The following SLC7A8 variants were observed in gnomAD, a reference collection of about 807,000 sequenced individuals.
SLC7A8 encodes solute carrier family 7 member 8, also known as large neutral amino acids transporter small subunit 2.
A neutral mutation model predicts 51.2 loss-of-function variants in SLC7A8; 30 were observed. The ratio of observed to expected loss-of-function variants is 0.59; its 90% CI spans 0.44 to 0.80. SLC7A8 has a LOEUF of 0.80. SLC7A8 is among the 30% of genes least tolerant of loss of function. The probability of loss-of-function intolerance (pLI) is 0.00; values close to 1 mark genes in which losing one functional copy is unlikely to be tolerated. For missense variants in SLC7A8, 612 were observed against 674.4 expected, an observed-to-expected ratio of 0.91 and a Z score of 1.03; for synonymous variants, 257 against 275.8, an observed-to-expected ratio of 0.93 and a Z score of 0.67.
rs1434946881 is a variant in SLC7A8 at position 23,125,368 on chromosome 14, C to T, written c.*1809G>A. ...ACAAAACAAATCTCTAAAACCTACA[C>T]CAAACGAAAGAAATTATCATTAAGG... On this transcript the variant is annotated 3_prime_UTR_variant, in exon 11 of 11. Transcript: ENST00000316902. 6.6e-6 allele frequency: 1 copy of T among 152,122 alleles called. No homozygotes were observed. Among genetic ancestry groups the T allele is most frequent in the African/African-American group, 2.4e-5 (1 of 41,346 alleles). The allele number at this position is 152,122 out of a possible 1,614,324, so 9.4% of individuals were successfully genotyped here. A position where few individuals can be genotyped will look rare whatever the true frequency, so the allele number is the denominator to read the frequency against.
chr14:23,154,717 G>A (rs960191987), intron 3 of SLC7A8, among the ~76,000 whole-genome samples: 4 of 152,182 alleles, frequency 2.6e-5, no homozygotes, highest in Admixed American at 6.5e-5. Context: ...ACACGGAACA[G>A]TCTTTCCTCG....
Position 23,182,944 on chromosome 14 carries a change from C to T in SLC7A8, c.-30G>A. 3.1e-6 allele frequency: 5 copies of T among 1,614,004 alleles called. No individual in the cohort carries two copies. Among genetic ancestry groups the T allele is most frequent in the Non-Finnish European group, 4.2e-6 (5 of 1,179,962 alleles). On this transcript the variant is annotated 5_prime_UTR_variant, in exon 1 of 11. Transcript: ENST00000316902. ...CTCAGTAGGATTGCAACCTCAAAAGCTGCCTCCCTTTCTAAATGCGTATTC... is the reference window on the plus strand; with the variant it reads ...CTCAGTAGGATTGCAACCTCAAAAGTTGCCTCCCTTTCTAAATGCGTATTC...
intron 4 of SLC7A8, among the ~76,000 whole-genome samples, chr14:23,141,987 G>C (rs1169154306): frequency 6.6e-6 from 1 of 152,252 alleles, no homozygotes; most frequent in African/African-American, 2.4e-5. Flanking sequence ...AGAAAGAATT[G>C]AGGCCAGCTT....
chr14:23,162,083 A>T (rs1483630760), intron 3 of SLC7A8, among the ~76,000 whole-genome samples: 3 of 146,954 alleles, frequency 2.0e-5, no homozygotes, highest in East Asian at 3.9e-4. Context: ...GAAGTGGATT[A>T]AAAAAAAAAA....
At chr14:23,169,208 A>G (rs1427389636) in intron 1 of SLC7A8, among the ~76,000 whole-genome samples, 1 of 152,132 alleles carries the variant, frequency 6.6e-6, no homozygotes, top group Non-Finnish European at 1.5e-5. Context: ...TTGTTTTTTA[A>G]TTAGCCAGAC....
chr14:23,183,137 TAA>T lies in SLC7A8; in HGVS notation c.-225_-224del, dbSNP rs60162914. 1.9e-3 allele frequency: 171 copies of T among 90,984 alleles called. 1 individual carries two copies. Among genetic ancestry groups the T allele is most frequent in the South Asian group, 9.3e-3 (28 of 3,022 alleles). The allele number at this position is 90,984 out of a possible 1,614,324, so 5.6% of individuals were successfully genotyped here. ...CGTTTACAAACAAGAAAAGTGTTGC[TAA>T]AAAAAAAAAAAAAAAAAAAGGCCAG... On this transcript the variant is annotated 5_prime_UTR_variant, in exon 1 of 11. It removes the in-frame stop codon of an upstream open reading frame in the 5' UTR. Coordinates refer to ENST00000316902, the MANE Select transcript of SLC7A8 (RefSeq NM_012244.4).
intron 7 of SLC7A8, among the ~76,000 whole-genome samples, chr14:23,134,858 A>G (rs1443085471): frequency 6.6e-6 from 1 of 152,272 alleles, no homozygotes; most frequent in African/African-American, 2.4e-5. Flanking sequence ...CATTGGTAAC[A>G]TGCTACACAA....
At chr14:23,150,593 T>C (rs891484022) in intron 3 of SLC7A8, among the ~76,000 whole-genome samples, 8 of 152,190 alleles carry the variant, frequency 5.3e-5, no homozygotes, top group Non-Finnish European at 8.8e-5. Context: ...TATGGTCCAT[T>C]TGAATCATGT....
intron 1 of SLC7A8, among the ~76,000 whole-genome samples, chr14:23,181,921 G>A (rs1812579231): frequency 6.6e-6 from 1 of 152,214 alleles, no homozygotes; most frequent in Non-Finnish European, 1.5e-5. Flanking sequence ...AGTACATTCA[G>A]GGGGTTTGAG....
intron 3 of SLC7A8, among the ~76,000 whole-genome samples, chr14:23,162,710 T>C (rs1264539236): frequency 2.0e-5 from 3 of 152,196 alleles, no homozygotes; most frequent in Non-Finnish European, 4.4e-5. Flanking sequence ...TGGACCTTTC[T>C]GGTCCGAGGG....
chr14:23,151,749 TAAAA>T (rs60024939), intron 3 of SLC7A8, among the ~76,000 whole-genome samples: 11 of 100,892 alleles, frequency 1.1e-4, no homozygotes, highest in Admixed American at 2.1e-4. Flanking sequence ...CCCTGTCTCT[TAAAA>T]AAAAAAAAAA....
intron 3 of SLC7A8, among the ~76,000 whole-genome samples, chr14:23,147,132 C>CA (rs1238863209): frequency 4.5e-5 from 6 of 134,586 alleles, no homozygotes; most frequent in South Asian, 2.4e-4. Context: ...ATCCACCCAT[C>CA]TAGCCATCAT....
chr14:23,156,450 T>C (rs2048893823), intron 3 of SLC7A8: 1 of 152,274 alleles, frequency 6.6e-6, no homozygotes, highest in African/African-American at 2.4e-5. Context: ...ATGCCCTTTT[T>C]TCTTTCCCCC....
chr14:23,154,894 T>C (rs899690115), intron 3 of SLC7A8, among the ~76,000 whole-genome samples: 3 of 151,258 alleles, frequency 2.0e-5, no homozygotes, highest in African/African-American at 7.3e-5. Flanking sequence ...ACCTGGATTA[T>C]TGTACATGTA....
intron 10 of SLC7A8, 87 bp from the exon 11 acceptor site, chr14:23,127,430 T>G: frequency 6.7e-7 from 1 of 1,494,230 alleles, no homozygotes; most frequent in Non-Finnish European, 9.2e-7. Context: ...CTGGCTCTCC[T>G]GCTCCAGGTT....
In SLC7A8 at chr14:23,126,309, G is replaced by C. The variant is rs563669870; in HGVS notation, c.*868C>G. ...GGGGGCGGTGGTGCTGGCTGTGTGCGGGTGTGCTGGGAGTGGCTGCAGGGA... is the reference window on the plus strand; with the variant it reads ...GGGGGCGGTGGTGCTGGCTGTGTGCCGGTGTGCTGGGAGTGGCTGCAGGGA... On this transcript the variant is annotated 3_prime_UTR_variant, in exon 11 of 11. Coordinates refer to ENST00000316902, the MANE Select transcript of SLC7A8 (RefSeq NM_012244.4). 6.5e-6 allele frequency: 1 copy of C among 153,850 alleles called. No homozygotes were observed. The highest frequency in any genetic ancestry group is 1.5e-5 in the Non-Finnish European group (1 of 68,620). The allele number at this position is 153,850 out of a possible 1,614,324, so 9.5% of individuals were successfully genotyped here.
intron 4 of SLC7A8, among the ~76,000 whole-genome samples, chr14:23,142,419 G>A (rs1275767004): frequency 6.6e-6 from 1 of 152,222 alleles, no homozygotes; most frequent in Non-Finnish European, 1.5e-5. Context: ...TTAAGATGTG[G>A]ACAAGATTCA....
At position 23,132,292 on chromosome 14, in the gene SLC7A8, G is replaced by A. The variant is rs375369963; in HGVS notation, c.1017-735C>T. ...GCTGGGACTACAGGCGTGAGCCACC[G>A]CGCCTGGCCTAAAAACACTCTTGTC... On this transcript the variant is annotated intron_variant, in intron 7 of 10. Coordinates refer to ENST00000316902, the MANE Select transcript of SLC7A8 (RefSeq NM_012244.4). 2.3e-4 allele frequency among the ~76,000 whole-genome samples: 35 copies of A among 151,958 alleles called. No individual in the cohort carries two copies. The East Asian group carries it at 3.9e-3, about 17-fold the overall frequency.
At chr14:23,149,857 T>C (rs1594830038) in intron 3 of SLC7A8, among the ~76,000 whole-genome samples, 1 of 152,228 alleles carries the variant, frequency 6.6e-6, no homozygotes, top group African/African-American at 2.4e-5. Flanking sequence ...ATATGTTTAA[T>C]GCACAAATAC....
Sources: allele counts gnomAD v4.1 joint callset (sites outside exome capture counted in the v4.1 genomes callset), GRCh38; gene constraint gnomAD v4.1.1; transcripts MANE v1.5; gene names NCBI Gene and HGNC (gene_info 2026-07-23, HGNC 2026-07-21).